Variants in TCN1 observed in about 807,000 individuals in gnomAD.
The protein encoded by TCN1 is transcobalamin-1.
TCN1 carries 47 observed loss-of-function variants against 46.3 expected under a neutral mutation model. The ratio of observed to expected loss-of-function variants is 1.01; its 90% confidence interval spans 0.80 to 1.29. TCN1 has a LOEUF of 1.29. Among genes scored for constraint, TCN1 ranks in the 50% most tolerant of loss-of-function variants. The pLI is 0.00. For synonymous variants in TCN1, 183 were observed against 192.5 expected (o/e 0.95, Z 0.41); for missense variants, 532 against 511.0 (o/e 1.04, Z -0.40).
Position 59,859,068 on chromosome 11 carries a change from CT to C in TCN1, c.747+8del, listed in dbSNP as rs753258540. ...CCTTCTCTGCCTCCTGTTTCACCCT[CT>C]GACTTACCTGCATGGCTTCTCCTGT... On this transcript the variant is annotated splice_region_variant and intron_variant, in intron 5 of 8. Coordinates refer to ENST00000257264, the MANE Select transcript of TCN1 (RefSeq NM_001062.4). 8 of 1,611,584 alleles carry C rather than the reference CT, an allele frequency of 5.0e-6. No individual in the cohort carries two copies. The East Asian group carries it at 1.1e-4, about 22-fold the overall frequency.
chr11:59,859,257 T>A lies in TCN1; in HGVS notation c.567A>T (p.Ala189=). 6.2e-7 allele frequency: 1 copy of A among 1,613,682 alleles called. No individual in the cohort carries two copies. Among genetic ancestry groups the A allele is most frequent in the Non-Finnish European group, 8.5e-7 (1 of 1,180,028 alleles). ...FGSQFSVDTG[A]MAVLALTCVK... ...CACAGGTCAGAGCCAGGACAGCCAT[T>A]GCACCAGTATCTGTCAGGAAACAAA... Residue 189 remains alanine (A), a synonymous_variant, in exon 5 of 9, where the codon GCA becomes GCT. Transcript: ENST00000257264.
At chr11:59,854,592 C>T (rs966862817) in intron 7 of TCN1, 60 bp downstream of exon 7, 2 of 1,555,444 alleles carry the variant, frequency 1.3e-6, no homozygotes, top group African/African-American at 2.7e-5. Context: ...CAAATGCATT[C>T]TTACTGCATC....
chr11:59,861,935 A>T (rs1030571904), intron 3 of TCN1, among the ~76,000 whole-genome samples: 8 of 152,172 alleles, frequency 5.3e-5, no homozygotes, highest in African/African-American at 1.9e-4. Context: ...TGCTATCTAG[A>T]TATTCAGATG....
At chr11:59,865,811 C>T (rs1413711805) in intron 1 of TCN1, among the ~76,000 whole-genome samples, 4 of 152,096 alleles carry the variant, frequency 2.6e-5, no homozygotes, top group Non-Finnish European at 5.9e-5. Context: ...TACAGAACCA[C>T]ACAATCTCTG....
Position 59,854,809 on chromosome 11 carries a change from G to T in TCN1, c.964C>A (p.Pro322Thr). The stretch of plus-strand genomic sequence containing the variant: ...GAGTCAGGAGGTGTCACAGTTATAG[G>T]CTCATCAGCGGAGATGTTGAAGTTA... The part of the protein sequence containing the change: ...SGNFNISADE[P>T]ITVTPPDSQS... The change falls in exon 7 of 9, where the codon CCT (proline) becomes ACT (threonine). Residue 322 changes from proline to threonine, a missense_variant. Pro to Thr is a conservative substitution (Grantham distance 38). Coordinates refer to ENST00000257264, the MANE Select transcript of TCN1 (RefSeq NM_001062.4). The T allele has an allele frequency of 1.2e-6, 2 of 1,613,968 alleles. No homozygotes were observed. The highest frequency in any genetic ancestry group is 1.1e-5 in the South Asian group (1 of 91,074).
In TCN1 at chr11:59,855,871, G is replaced by GGT; in HGVS notation, c.934_935insAC (p.Ser312TyrfsTer13). 1 of 1,613,768 alleles carries GGT rather than the reference G, an allele frequency of 6.2e-7. No individual in the cohort carries two copies. The highest frequency in any genetic ancestry group is 8.5e-7 in the Non-Finnish European group (1 of 1,179,730). ...TGTGCTCTCTTTAATGCTTATACCT[G>GGT]AAGCAGAGACGCAAGAAGAGTCTTT... On this transcript the variant is annotated frameshift_variant, in exon 6 of 9. Transcript: ENST00000257264. LOFTEE classifies it high-confidence loss of function.
intron 5 of TCN1, among the ~76,000 whole-genome samples, chr11:59,857,951 T>G (rs1371210823): frequency 6.6e-6 from 1 of 152,180 alleles, no homozygotes; most frequent in Non-Finnish European, 1.5e-5. Flanking sequence ...GGGGGATACA[T>G]TCCAAGACCT....
chr11:59,855,870 T>C lies in TCN1; in HGVS notation c.936A>G (p.Ser312=). The C allele has an allele frequency of 1.2e-6, 2 of 1,613,800 alleles. No individual in the cohort carries two copies. Among genetic ancestry groups the C allele is most frequent in the Non-Finnish European group, 1.7e-6 (2 of 1,179,716 alleles). ...INKDSSCVSA[S]GNFNISADEP... is the part of the protein sequence containing the mutation. The stretch of plus-strand genomic sequence containing the variant: ...GTGTGCTCTCTTTAATGCTTATACC[T>C]GAAGCAGAGACGCAAGAAGAGTCTT... The change falls in exon 6 of 9, where the codon TCA becomes TCG. Residue 312 remains serine, a splice_region_variant and synonymous_variant. Coordinates refer to ENST00000257264, the MANE Select transcript of TCN1 (RefSeq NM_001062.4).
chr11:59,854,218 G>A (rs1852897462), intron 7 of TCN1, among the ~76,000 whole-genome samples: 1 of 150,878 alleles, frequency 6.6e-6, no homozygotes, highest in South Asian at 2.1e-4. Context: ...ATAGTAAGAT[G>A]CTGTCTGTAA....
intron 6 of TCN1, 28 bp from the exon 7 acceptor site, chr11:59,854,863 A>G (rs777329305): frequency 1.9e-6 from 3 of 1,613,270 alleles, no homozygotes; most frequent in Non-Finnish European, 1.7e-6. Context: ...GCCCAGAGCA[A>G]TATTCAGAAA....
chr11:59,855,789 T>C, intron 6 of TCN1, 80 bp downstream of exon 6: 3 of 1,536,446 alleles, frequency 2.0e-6, no homozygotes. Flanking sequence ...TCACTTTTGG[T>C]TTCAAAGGAC....
rs775821334 is a variant in TCN1 at position 59,854,769 on chromosome 11, G to A, written c.1004C>T (p.Ser335Phe). Residue 335 changes from serine (S) to phenylalanine (F), a missense_variant, in exon 7 of 9, where the codon TCC becomes TTC. Coordinates refer to ENST00000257264, the MANE Select transcript of TCN1 (RefSeq NM_001062.4). The part of the protein sequence containing the change: ...VTPPDSQSYI[S>F]VNYSVRINET... Reference sequence around the variant, plus strand: ...ATTGATTCTCACAGAGTAATTGACGGAGATATATGATTGTGAGTCAGGAGG... The same window carrying A: ...ATTGATTCTCACAGAGTAATTGACGAAGATATATGATTGTGAGTCAGGAGG... 1.9e-6 allele frequency: 3 copies of A among 1,613,998 alleles called. No homozygotes were observed. The highest frequency in any genetic ancestry group is 2.5e-6 in the Non-Finnish European group (3 of 1,179,932).
chr11:59,857,010 G>C (rs962424430), intron 5 of TCN1, among the ~76,000 whole-genome samples: 1 of 152,140 alleles, frequency 6.6e-6, no homozygotes, highest in Non-Finnish European at 1.5e-5. Flanking sequence ...GGGATGGACA[G>C]TTCCTGTTTT....
At position 59,864,095 on chromosome 11, in the gene TCN1, G is replaced by A; in HGVS notation, c.80-9C>T. 7 of 1,613,418 alleles carry A rather than the reference G, an allele frequency of 4.3e-6. No homozygotes were observed. The highest frequency in any genetic ancestry group is 5.9e-6 in the Non-Finnish European group (7 of 1,179,454). ...GTTTTCTTCACTTACCTCTGTGGCA[G>A]AGAAGGAAGGAAATAAGAAACACAT... On this transcript the variant is annotated splice_polypyrimidine_tract_variant and intron_variant, in intron 1 of 8. Transcript: ENST00000257264.
chr11:59,853,405 C>G, intron 7 of TCN1, 84 bp from the exon 8 acceptor site: 2 of 1,155,998 alleles, frequency 1.7e-6, no homozygotes, highest in Non-Finnish European at 2.6e-6. Context: ...TTTAATGTAC[C>G]TGAGAATCAC....
At position 59,853,226 on chromosome 11, in the gene TCN1, C is replaced by T; in HGVS notation, c.1217G>A (p.Ser406Asn). 3.7e-6 allele frequency: 6 copies of T among 1,614,134 alleles called. No individual in the cohort carries two copies. Among genetic ancestry groups the T allele is most frequent in the Non-Finnish European group, 5.1e-6 (6 of 1,180,018 alleles). ...NNDRTYWELLSGGEPLSQGAG... is the reference protein window; with the variant it reads ...NNDRTYWELLNGGEPLSQGAG... ...ACCTTGGCTCAGTGGTTCGCCTCCA[C>T]TCAGAAGTTCCCAGTAGGTTCTGTC... The change falls in exon 8 of 9, where the codon AGT becomes AAT. Residue 406 changes from serine to asparagine, a missense_variant. Transcript: ENST00000257264.
At chr11:59,860,002 A>C (rs1284089622) in intron 4 of TCN1, among the ~76,000 whole-genome samples, 2 of 152,226 alleles carry the variant, frequency 1.3e-5, no homozygotes, top group Non-Finnish European at 2.9e-5. Context: ...GCCAAGGAAA[A>C]GAGACCCATC....
At chr11:59,862,833 A>G (rs1853031599) in intron 2 of TCN1, 111 bp from the exon 3 acceptor site, 1 of 1,236,918 alleles carries the variant, frequency 8.1e-7, no homozygotes, top group South Asian at 1.2e-5. Context: ...GTTGCGCTCT[A>G]TACAGTCTTG....
At chr11:59,859,585 C>T (rs1411768867) in intron 4 of TCN1, among the ~76,000 whole-genome samples, 1 of 152,192 alleles carries the variant, frequency 6.6e-6, no homozygotes, top group Non-Finnish European at 1.5e-5. Context: ...TAGTGGCCAC[C>T]ATGGCCAGTT....
Sources: allele counts gnomAD v4.1 joint callset (sites outside exome capture counted in the v4.1 genomes callset), GRCh38; gene constraint gnomAD v4.1.1; transcripts MANE v1.5; gene names NCBI Gene and HGNC (gene_info 2026-07-23, HGNC 2026-07-21).